The following VPS45 variants were observed in gnomAD, a reference collection of about 807,000 sequenced individuals.
VPS45 encodes the protein vacuolar protein sorting-associated protein 45.
Under a neutral mutation model 75.9 loss-of-function variants are expected in VPS45, and 35 were observed. That is an observed-to-expected ratio of 0.46 (90% CI 0.35 to 0.61). The LOEUF is 0.61. VPS45 is among the 20% of genes least tolerant of loss of function. VPS45 has a pLI of 0.00. For synonymous variants in VPS45, 220 were observed against 238.2 expected, an observed-to-expected ratio of 0.92 and a Z score of 0.70; for missense variants, 559 against 685.9, an observed-to-expected ratio of 0.81 and a Z score of 2.07.
rs370501479 is a variant in VPS45 at position 150,099,851 on chromosome 1, AG to A, written c.1493+6204del. Among the ~76,000 whole-genome samples, 206 of 150,986 alleles carry A rather than the reference AG, an allele frequency of 1.4e-3. 1 individual carries two copies. The highest frequency in any genetic ancestry group is 4.8e-3 in the African/African-American group (197 of 41,012). ...CCGTCTCAAAAAAAAAAAAAAAAAA[AG>A]AGCCATCTATGACAAACCCACAGCC... On this transcript the variant is annotated intron_variant, in intron 13 of 14. Coordinates refer to ENST00000644510, the MANE Select transcript of VPS45 (RefSeq NM_007259.5).
intron 14 of VPS45, among the ~76,000 whole-genome samples, chr1:150,133,508 T>C (rs1174098901): frequency 3.3e-5 from 5 of 152,086 alleles, no homozygotes; most frequent in Non-Finnish European, 7.4e-5. Context: ...GAGCTGAGAT[T>C]GTGCCACTGC....
At chr1:150,110,205 A>G in intron 13 of VPS45, 1 of 274,842 alleles carries the variant, frequency 3.6e-6, no homozygotes, top group Non-Finnish European at 6.9e-6. Flanking sequence ...ATAAAAGAAT[A>G]TTTCTACATT....
intron 14 of VPS45, among the ~76,000 whole-genome samples, chr1:150,135,727 C>T (rs1259742206): frequency 2.6e-5 from 4 of 151,910 alleles, no homozygotes; most frequent in African/African-American, 7.3e-5. Flanking sequence ...CTGCAACCTC[C>T]GCCTCCTAGG....
At chr1:150,105,256 C>G (rs1657256762) in intron 13 of VPS45, among the ~76,000 whole-genome samples, 1 of 152,148 alleles carries the variant, frequency 6.6e-6, no homozygotes, top group Admixed American at 6.5e-5. Context: ...ATTCAACATA[C>G]TGAAAGCCCT....
intron 13 of VPS45, among the ~76,000 whole-genome samples, chr1:150,102,028 G>C (rs1315507643): frequency 2.9e-4 from 44 of 151,744 alleles, no homozygotes; most frequent in African/African-American, 9.4e-4. Context: ...CCTGAGGTCA[G>C]TAGTTCGAGA....
intron 13 of VPS45, chr1:150,109,226 T>C (rs1050221131): frequency 1.3e-5 from 2 of 152,190 alleles, no homozygotes; most frequent in African/African-American, 4.8e-5. Flanking sequence ...AGCCTGGGTT[T>C]CACCATGTTG....
chr1:150,127,620 C>T (rs1236129343), intron 14 of VPS45, among the ~76,000 whole-genome samples: 1 of 152,126 alleles, frequency 6.6e-6, no homozygotes, highest in African/African-American at 2.4e-5. Flanking sequence ...TTATCAACTT[C>T]CTTTTTCAGA....
At chr1:150,144,603 T>G in intron 14 of VPS45, 106 bp from the exon 15 acceptor site, 2 of 954,406 alleles carry the variant, frequency 2.1e-6, no homozygotes, top group Admixed American at 5.5e-5. Flanking sequence ...ACCTCCTGCC[T>G]ACTATTCATG....
In VPS45 at chr1:150,076,975, T is replaced by C. The variant is rs1553798233; in HGVS notation, c.429T>C (p.Gly143=). 2 of 1,614,140 alleles carry C rather than the reference T, an allele frequency of 1.2e-6. No homozygotes were observed. The highest frequency in any genetic ancestry group is 1.7e-6 in the Non-Finnish European group (2 of 1,180,004). The change falls in exon 5 of 15, where the codon GGT becomes GGC. Residue 143 remains glycine, a synonymous_variant. Transcript: ENST00000644510. ...ATTTGTTTTCCCTCAATATTTTGGG[T>C]TGCTGCCAGGTATGGAAGGAAAGGT... ...NPHLFSLNIL[G]CCQGRNWDPA... is the part of the protein sequence containing the mutation.
In VPS45 at chr1:150,076,396, C is replaced by G. The variant is rs1018319708; in HGVS notation, c.369+84C>G. 1.2e-5 allele frequency: 14 copies of G among 1,148,076 alleles called. No homozygotes were observed. In the African/African-American group the frequency reaches 1.9e-4, roughly 16 times the overall value. 71.1% of individuals were successfully genotyped at this position (1,148,076 alleles called of 1,614,324 possible). On this transcript the variant is annotated intron_variant, in intron 4 of 14. Transcript: ENST00000644510. ...CTAAAAATAAAAAATAAGGAAAGGTCTGTCTCAAAAGAAGTTTTATTATGA... is the reference window on the plus strand; with the variant it reads ...CTAAAAATAAAAAATAAGGAAAGGTGTGTCTCAAAAGAAGTTTTATTATGA...
intron 10 of VPS45, among the ~76,000 whole-genome samples, chr1:150,084,621 G>A (rs1398390043): frequency 2.0e-5 from 3 of 151,994 alleles, no homozygotes; most frequent in Non-Finnish European, 4.4e-5. Flanking sequence ...TGTTAATAGG[G>A]CCCTATATTC....
chr1:150,082,783 T>C lies in VPS45; in HGVS notation c.1004T>C (p.Val335Ala). ...SGTVSKHVTV[V>A]GELSRLVSER... ...ACTGTTTCAAAGCATGTGACAGTGGTTGGAGAACTGTCTCGATTGGTCAGT... is the reference window on the plus strand; with the variant it reads ...ACTGTTTCAAAGCATGTGACAGTGGCTGGAGAACTGTCTCGATTGGTCAGT... The change falls in exon 10 of 15, where the codon GTT (valine) becomes GCT (alanine). Residue 335 changes from valine to alanine, a missense_variant. Physicochemically the swap from Val to Ala is moderately conservative, Grantham distance 64 (BLOSUM62 0). Transcript: ENST00000644510. The C allele has an allele frequency of 6.2e-7, 1 of 1,614,144 alleles. No homozygotes were observed. The highest frequency in any genetic ancestry group is 1.1e-5 in the South Asian group (1 of 91,080).
At chr1:150,069,393 A>G (rs1233925088) in intron 2 of VPS45, among the ~76,000 whole-genome samples, 1 of 148,562 alleles carries the variant, frequency 6.7e-6, no homozygotes, top group African/African-American at 2.5e-5. Context: ...TTTATCCATC[A>G]TCTTCTAAAT....
intron 11 of VPS45, 98 bp downstream of exon 11, chr1:150,092,193 A>C: frequency 6.6e-7 from 1 of 1,525,720 alleles, no homozygotes; most frequent in Non-Finnish European, 8.9e-7. Flanking sequence ...TTATTTACAG[A>C]AATGTATAAT....
chr1:150,127,948 T>A (rs189873034), intron 14 of VPS45, among the ~76,000 whole-genome samples: 1 of 152,170 alleles, frequency 6.6e-6, no homozygotes, highest in Admixed American at 6.5e-5. Flanking sequence ...TTTTAAGAAT[T>A]TTATCATTCA....
chr1:150,075,119 C>T lies in VPS45; in HGVS notation c.290-1114C>T, dbSNP rs187041752. Reference sequence around the variant, plus strand: ...GTACCATTTTCAAATAACCATTCAGCGTTCAAATTTAAAATTGTCTTTTTT... The same window carrying T: ...GTACCATTTTCAAATAACCATTCAGTGTTCAAATTTAAAATTGTCTTTTTT... On this transcript the variant is annotated intron_variant, in intron 3 of 14. Transcript: ENST00000644510. 6.7e-4 allele frequency among the ~76,000 whole-genome samples: 87 copies of T among 130,586 alleles called. 2 individuals carry two copies. In the East Asian group the frequency reaches 0.015, roughly 23 times the overall value. 85.7% of individuals were successfully genotyped at this position (130,586 alleles called of 152,430 possible).
Position 150,091,982 on chromosome 1 carries a change from G to A in VPS45, c.1150G>A (p.Ala384Thr). 6.2e-7 allele frequency: 1 copy of A among 1,614,104 alleles called. No homozygotes were observed. The highest frequency in any genetic ancestry group is 8.5e-7 in the Non-Finnish European group (1 of 1,180,004). The change falls in exon 11 of 15, where the codon GCT becomes ACT. Residue 384 changes from alanine (A) to threonine (T), a missense_variant. Transcript: ENST00000644510. ...GAACCCCAAAGTGACAGAGTTTGAT[G>A]CTGCCCGCCTGGTGATGCTTTATGC... ...LQNPKVTEFD[A>T]ARLVMLYALH... is the part of the protein sequence containing the mutation.
At chr1:150,114,594 G>A (rs1164860562) in intron 14 of VPS45, among the ~76,000 whole-genome samples, 4 of 2,336 alleles carry the variant, frequency 1.7e-3, no homozygotes, top group African/African-American at 6.6e-3. Context: ...AAAAAAAAAA[G>A]GTAAAATTAG....
At chr1:150,117,929 T>A (rs1454891621) in intron 14 of VPS45, among the ~76,000 whole-genome samples, 1 of 152,050 alleles carries the variant, frequency 6.6e-6, no homozygotes, top group Non-Finnish European at 1.5e-5. Flanking sequence ...GTCTTTGTAA[T>A]TTAGTCATAG....
Sources: allele counts gnomAD v4.1 joint callset (sites outside exome capture counted in the v4.1 genomes callset), GRCh38; gene constraint gnomAD v4.1.1; transcripts MANE v1.5; gene names NCBI Gene and HGNC (gene_info 2026-07-23, HGNC 2026-07-21).